The following SLC14A2 variants were observed in gnomAD, a reference collection of about 807,000 sequenced individuals.
The protein encoded by SLC14A2 is solute carrier family 14 member 2, also known as urea transporter 2.
SLC14A2 carries 91 observed loss-of-function variants against 104.6 expected under a neutral mutation model. The observed-to-expected ratio is 0.87, with a 90% CI of 0.73 to 1.04. SLC14A2 has a LOEUF of 1.04. Among genes scored for constraint, SLC14A2 ranks in the 50% least tolerant of loss-of-function variants. The pLI, the probability that SLC14A2 is intolerant of heterozygous loss-of-function variation, is 0.00. For missense variants in SLC14A2, 1,189 were observed against 1,156.0 expected (o/e 1.03, Z -0.41); for synonymous variants, 476 against 466.4 (o/e 1.02, Z -0.27).
At chr18:45,461,271 G>A (rs1416870849) in intron 1 of SLC14A2, among the ~76,000 whole-genome samples, 1 of 152,164 alleles carries the variant, frequency 6.6e-6, no homozygotes, top group Non-Finnish European at 1.5e-5. Context: ...ATTGGGGAAA[G>A]CATCATTGTG....
At chr18:45,593,487 T>G (rs1199666257) in intron 2 of SLC14A2, among the ~76,000 whole-genome samples, 4 of 15,254 alleles carry the variant, frequency 2.6e-4, no homozygotes, top group Non-Finnish European at 4.8e-4. Flanking sequence ...TTCCTTAATC[T>G]TTTTTTTTTT....
At chr18:45,169,126 C>G in the SLC14A2 span, 1 of 152,158 alleles carries the variant, frequency 6.6e-6, no homozygotes, top group African/African-American at 2.4e-5. Flanking sequence ...GTTGTTGACT[C>G]TAAATACACT....
intron 18 of SLC14A2, among the ~76,000 whole-genome samples, chr18:45,676,732 T>C (rs1391871303): frequency 6.6e-6 from 1 of 152,184 alleles, no homozygotes; most frequent in Non-Finnish European, 1.5e-5. Context: ...TGTGAAACCT[T>C]GGTACAGGTC....
intron 1 of SLC14A2, among the ~76,000 whole-genome samples, chr18:45,459,125 C>T (rs2086996446): frequency 6.6e-6 from 1 of 152,152 alleles, no homozygotes; most frequent in South Asian, 2.1e-4. Flanking sequence ...AGAATCCAAA[C>T]TCTCCCCAGC....
At chr18:45,197,036 C>T in the SLC14A2 span, among the ~76,000 whole-genome samples, 8 of 152,204 alleles carry the variant, frequency 5.3e-5, no homozygotes, top group East Asian at 3.9e-4. Flanking sequence ...TTCAGAAATC[C>T]GGAGGAAAAA....
At chr18:45,315,262 A>C (rs1305570857) in intron 1 of SLC14A2, among the ~76,000 whole-genome samples, 2 of 152,134 alleles carry the variant, frequency 1.3e-5, no homozygotes. Context: ...GGCACCAGAA[A>C]AGGCAGGGTG....
chr18:45,404,170 T>A (rs2086127879), intron 1 of SLC14A2, among the ~76,000 whole-genome samples: 1 of 152,232 alleles, frequency 6.6e-6, no homozygotes, highest in Non-Finnish European at 1.5e-5. Flanking sequence ...TACCTCAGTG[T>A]TATATGTGTC....
At chr18:45,626,375 C>A (rs145642489) in intron 3 of SLC14A2, among the ~76,000 whole-genome samples, 16 of 152,178 alleles carry the variant, frequency 1.1e-4, no homozygotes, top group African/African-American at 3.9e-4. Flanking sequence ...AGCCCCGACA[C>A]CTGCACCAGT....
chr18:45,373,568 A>AC (rs1259058361), intron 1 of SLC14A2, among the ~76,000 whole-genome samples: 2 of 152,196 alleles, frequency 1.3e-5, no homozygotes, highest in Non-Finnish European at 2.9e-5. Flanking sequence ...CTTAAGTGGA[A>AC]CACCAGAGTC....
chr18:45,537,618 T>C (rs889518583), intron 2 of SLC14A2, among the ~76,000 whole-genome samples: 1 of 152,168 alleles, frequency 6.6e-6, no homozygotes, highest in Admixed American at 6.5e-5. Context: ...CTTTTTTCTG[T>C]GAAATGAGGA....
At chr18:45,336,996 G>GA (rs960364821) in intron 1 of SLC14A2, among the ~76,000 whole-genome samples, 31 of 144,708 alleles carry the variant, frequency 2.1e-4, no homozygotes, top group Non-Finnish European at 4.0e-4. Flanking sequence ...TTATAGCCTA[G>GA]TTTTTTTTTT....
the SLC14A2 span, among the ~76,000 whole-genome samples, chr18:45,175,656 A>C: frequency 6.6e-6 from 1 of 152,198 alleles, no homozygotes; most frequent in Non-Finnish European, 1.5e-5. Context: ...ACTCAGGTTC[A>C]GTAAGTCACA....
At chr18:45,579,001 T>A (rs759615201) in intron 2 of SLC14A2, among the ~76,000 whole-genome samples, 6 of 152,220 alleles carry the variant, frequency 3.9e-5, no homozygotes, top group Non-Finnish European at 7.3e-5. Flanking sequence ...ATCAGCTGAC[T>A]CAGCTCTGCT....
intron 10 of SLC14A2, among the ~76,000 whole-genome samples, chr18:45,659,661 A>G (rs973504035): frequency 6.6e-5 from 10 of 152,206 alleles, no homozygotes; most frequent in African/African-American, 2.4e-4. Context: ...TTGCCCTGCA[A>G]TTTCCAAAGC....
chr18:45,506,784 T>C lies in SLC14A2; in HGVS notation c.-35+23462T>C, dbSNP rs564462144. On this transcript the variant is annotated intron_variant, in intron 2 of 20. Coordinates refer to the SLC14A2 transcript ENST00000586448. ...ATTTCTCTTATGCTGAAGTACCGAG[T>C]TTATTGGTAATTTGTCACAGCAGTC... 7.9e-5 allele frequency among the ~76,000 whole-genome samples: 12 copies of C among 152,204 alleles called. No individual in the cohort carries two copies. The South Asian group carries it at 2.5e-3, about 32-fold the overall frequency.
At chr18:45,177,397 G>T in the SLC14A2 span, among the ~76,000 whole-genome samples, 2 of 152,178 alleles carry the variant, frequency 1.3e-5, no homozygotes, top group Non-Finnish European at 2.9e-5. Context: ...ATGAAGATCA[G>T]TGTCCTTAAA....
intron 1 of SLC14A2, among the ~76,000 whole-genome samples, chr18:45,219,269 C>G (rs1420393606): frequency 6.6e-6 from 1 of 152,074 alleles, no homozygotes; most frequent in Non-Finnish European, 1.5e-5. Context: ...TGTAGTAAAC[C>G]CTTTTAATAC....
intron 1 of SLC14A2, among the ~76,000 whole-genome samples, chr18:45,365,372 TCA>T (rs1366781023): frequency 6.6e-6 from 1 of 152,212 alleles, no homozygotes; most frequent in East Asian, 1.9e-4. Flanking sequence ...TCCAATAAGA[TCA>T]TGTGTGTTAA....
chr18:45,512,389 T>C (rs2043378205), intron 2 of SLC14A2, among the ~76,000 whole-genome samples: 1 of 152,204 alleles, frequency 6.6e-6, no homozygotes, highest in African/African-American at 2.4e-5. Context: ...TTCTCAGTTT[T>C]ACACTGCCAT....
Sources: gnomAD v4.1 joint callset for allele counts (sites outside exome capture counted in the v4.1 genomes callset) on GRCh38, gnomAD v4.1.1 for gene constraint, MANE v1.5 for transcripts, NCBI Gene and HGNC (gene_info 2026-07-23, HGNC 2026-07-21) for gene names.